The following AATF variants were observed in gnomAD, a reference collection of about 807,000 sequenced individuals.
AATF encodes protein AATF.
A neutral mutation model predicts 63.7 loss-of-function variants in AATF; 48 were observed. That is an observed-to-expected ratio of 0.75 (90% confidence interval 0.60 to 0.96). The LOEUF (loss-of-function observed/expected upper bound fraction) is 0.96, where lower values mean the gene tolerates loss of function less well. Ranked by LOEUF, AATF falls within the 40% of genes least tolerant of loss-of-function variation. The pLI is 0.00. For synonymous variants in AATF, 258 were observed against 247.7 expected (o/e 1.04, Z -0.39); for missense variants, 639 against 685.7 (o/e 0.93, Z 0.76).
chr17:37,042,152 A>T (rs2142313723), intron 11 of AATF, among the ~76,000 whole-genome samples: 1 of 152,100 alleles, frequency 6.6e-6, no homozygotes, highest in Middle Eastern at 3.4e-3. Context: ...AATATTAATG[A>T]TTTTTATTGG....
At chr17:36,992,614 ATTTTT>A (rs5820200) in intron 8 of AATF, among the ~76,000 whole-genome samples, 1 of 138,214 alleles carries the variant, frequency 7.2e-6, no homozygotes. Flanking sequence ...CTTAGTCTGA[ATTTTT>A]TTTTTTTTTT....
At chr17:37,035,375 T>C (rs1373611428) in intron 11 of AATF, among the ~76,000 whole-genome samples, 1 of 150,448 alleles carries the variant, frequency 6.6e-6, no homozygotes, top group Non-Finnish European at 1.5e-5. Flanking sequence ...TGCACCACCA[T>C]GCACACACGC....
chr17:37,001,464 A>C (rs2071297627), intron 8 of AATF, among the ~76,000 whole-genome samples: 2 of 145,108 alleles, frequency 1.4e-5, no homozygotes, highest in Non-Finnish European at 3.1e-5. Flanking sequence ...AGAAAAAAAA[A>C]AAAAAGGAAC....
At chr17:37,014,193 A>G (rs1026070288) in intron 8 of AATF, among the ~76,000 whole-genome samples, 4 of 152,024 alleles carry the variant, frequency 2.6e-5, no homozygotes, top group Non-Finnish European at 5.9e-5. Flanking sequence ...AATTTGGCTG[A>G]GGAGGCAGAG....
At chr17:37,034,128 C>G (rs956860978) in intron 11 of AATF, among the ~76,000 whole-genome samples, 2 of 152,182 alleles carry the variant, frequency 1.3e-5, no homozygotes, top group East Asian at 3.8e-4. Context: ...AGTCTTGTAG[C>G]TGGAGAACTG....
intron 3 of AATF, 91 bp downstream of exon 3, chr17:36,953,387 C>T (rs1156979003): frequency 1.3e-6 from 2 of 1,535,066 alleles, no homozygotes; most frequent in African/African-American, 2.8e-5. Flanking sequence ...TTCTCTATCT[C>T]CTGTGTCCTT....
chr17:36,954,766 G>A (rs1051496771), intron 4 of AATF, among the ~76,000 whole-genome samples: 20 of 152,164 alleles, frequency 1.3e-4, no homozygotes, highest in Non-Finnish European at 2.6e-4. Context: ...TGGCGGAGAT[G>A]AGGCTCCAAC....
intron 4 of AATF, among the ~76,000 whole-genome samples, chr17:36,973,124 T>G (rs2071052449): frequency 7.4e-6 from 1 of 135,636 alleles, no homozygotes; most frequent in Non-Finnish European, 1.5e-5. Context: ...TTCTTCTTTC[T>G]TTCTTTTTTC....
intron 8 of AATF, among the ~76,000 whole-genome samples, chr17:37,016,262 T>G (rs1336618147): frequency 6.6e-6 from 1 of 152,238 alleles, no homozygotes; most frequent in Non-Finnish European, 1.5e-5. Flanking sequence ...TGAGAAGAGA[T>G]AAACTAATGT....
At chr17:37,009,978 T>TA (rs1260229479) in intron 8 of AATF, among the ~76,000 whole-genome samples, 2 of 151,972 alleles carry the variant, frequency 1.3e-5, no homozygotes, top group African/African-American at 4.8e-5. Context: ...ATGACAAAGA[T>TA]ATGTTCAAAA....
At chr17:36,963,713 A>G (rs1373762554) in intron 4 of AATF, among the ~76,000 whole-genome samples, 1 of 152,198 alleles carries the variant, frequency 6.6e-6, no homozygotes, top group Admixed American at 6.5e-5. Context: ...TAATTTCTTT[A>G]TATCTCTGTC....
chr17:37,028,764 T>A (rs543703138), intron 10 of AATF, among the ~76,000 whole-genome samples: 1 of 152,104 alleles, frequency 6.6e-6, no homozygotes, highest in Non-Finnish European at 1.5e-5. Flanking sequence ...CCAGCCTGGG[T>A]GACAGTGAGA....
intron 1 of AATF, 75 bp downstream of exon 1, chr17:36,949,291 G>T: frequency 7.1e-7 from 1 of 1,415,512 alleles, no homozygotes; most frequent in Non-Finnish European, 9.5e-7. Context: ...GGCGTGGGAG[G>T]GGCGTGCGCG....
chr17:37,051,693 GACAGACACACACAC>G (rs1317675788), intron 11 of AATF, among the ~76,000 whole-genome samples: 2 of 140,942 alleles, frequency 1.4e-5, no homozygotes, highest in African/African-American at 5.5e-5. Context: ...CAGACAGACA[GACAGACACACACAC>G]ACACACACAC....
At chr17:36,999,162 G>A (rs1344970676) in intron 8 of AATF, 1 of 152,166 alleles carries the variant, frequency 6.6e-6, no homozygotes, top group Non-Finnish European at 1.5e-5. Flanking sequence ...TTATTTCAGG[G>A]TAGAAGAATC....
At position 36,982,237 on chromosome 17, in the gene AATF, T is replaced by G. The variant is rs1273011727; in HGVS notation, c.833-4380T>G. ...TTCCTGTTTGTTTTTTGTTTTGTTT[T>G]TTTTTTTTTTTTGAGTAGGCTCAGT... On this transcript the variant is annotated intron_variant, in intron 4 of 11. Transcript: ENST00000619387. 7.3e-5 allele frequency among the ~76,000 whole-genome samples: 11 copies of G among 151,274 alleles called. No homozygotes were observed. The East Asian group carries it at 1.5e-3, about 21-fold the overall frequency.
intron 8 of AATF, among the ~76,000 whole-genome samples, chr17:37,011,997 A>G (rs1234358559): frequency 2.0e-5 from 3 of 152,052 alleles, no homozygotes; most frequent in African/African-American, 4.8e-5. Context: ...AGTATATGCA[A>G]TTTATTTTTT....
At chr17:37,002,629 G>T (rs28864480) in intron 8 of AATF, among the ~76,000 whole-genome samples, 1 of 150,438 alleles carries the variant, frequency 6.6e-6, no homozygotes. Context: ...CCAAGATAAC[G>T]CCACTGCAGT....
chr17:36,967,180 T>C, intron 4 of AATF, among the ~76,000 whole-genome samples: 1 of 152,190 alleles, frequency 6.6e-6, no homozygotes, highest in Middle Eastern at 3.2e-3. Flanking sequence ...GATTTAGCTC[T>C]TATTCCTACT....
Sources: gnomAD v4.1 joint callset for allele counts (sites outside exome capture counted in the v4.1 genomes callset) on GRCh38, gnomAD v4.1.1 for gene constraint, MANE v1.5 for transcripts, NCBI Gene and HGNC (gene_info 2026-07-23, HGNC 2026-07-21) for gene names.